The following PLXNA2 variants were observed in gnomAD, a reference collection of about 807,000 sequenced individuals.
PLXNA2 encodes plexin-A2.
In PLXNA2, 91 loss-of-function variants were observed where a neutral mutation model predicts 193.5. The observed-to-expected ratio is 0.47, with a 90% CI of 0.40 to 0.56. The LOEUF is 0.56. Ranked by LOEUF, PLXNA2 falls within the 20% of genes least tolerant of loss-of-function variation. The pLI, the probability that PLXNA2 is intolerant of heterozygous loss-of-function variation, is 0.00. For missense variants in PLXNA2, 1,995 were observed against 2,503.2 expected (o/e 0.80, Z 4.33); for synonymous variants, 997 against 1,027.3 (o/e 0.97, Z 0.56).
chr1:208,229,457 C>T (rs962050077), intron 1 of PLXNA2, among the ~76,000 whole-genome samples: 1 of 152,164 alleles, frequency 6.6e-6, no homozygotes, highest in Non-Finnish European at 1.5e-5. Context: ...CCCAGGTGTG[C>T]TCATTTGCTT....
chr1:208,103,371 G>A lies in PLXNA2; in HGVS notation c.1507-124C>T, dbSNP rs568471830. On this transcript the variant is annotated intron_variant, in intron 4 of 31. Transcript: ENST00000367033. ...CTCCCCTAAAGAGGTGATACTGGGC[G>A]GCAAGTCATGGCCTCAATGTCCCCA... 2.1e-3 allele frequency: 1,381 copies of A among 673,106 alleles called. 36 individuals are homozygous for A. The South Asian group carries it at 0.026, about 13-fold the overall frequency. The allele number at this position is 673,106 out of a possible 1,614,324, so 41.7% of individuals were successfully genotyped here.
chr1:208,094,615 A>AGAT (rs1310896092), intron 8 of PLXNA2, among the ~76,000 whole-genome samples: 4 of 152,202 alleles, frequency 2.6e-5, no homozygotes, highest in Non-Finnish European at 5.9e-5. Context: ...TCTGTTGCCC[A>AGAT]GATGCTTGCC....
intron 4 of PLXNA2, among the ~76,000 whole-genome samples, chr1:208,128,185 T>A (rs1294306428): frequency 6.6e-6 from 1 of 152,224 alleles, no homozygotes; most frequent in Non-Finnish European, 1.5e-5. Flanking sequence ...CGGCAGGAGC[T>A]GACAACTGGC....
intron 3 of PLXNA2, among the ~76,000 whole-genome samples, chr1:208,184,422 T>TA (rs112546582): frequency 0.021 from 2,972 of 140,102 alleles, 79 homozygotes; most frequent in African/African-American, 0.063. Flanking sequence ...ACCCCCTGCT[T>TA]AAAAAAAAAA....
chr1:208,054,006 G>A (rs909368007), intron 14 of PLXNA2, among the ~76,000 whole-genome samples: 3 of 152,168 alleles, frequency 2.0e-5, no homozygotes, highest in Admixed American at 6.5e-5. Flanking sequence ...AGAAAACAAA[G>A]CATGCGGATA....
rs949481713 is a variant in PLXNA2 at position 208,027,184 on chromosome 1, G to A, written c.*59C>T. 1.4e-6 allele frequency: 2 copies of A among 1,414,106 alleles called. No individual in the cohort carries two copies. Among genetic ancestry groups the A allele is most frequent in the African/African-American group, 2.8e-5 (2 of 71,178 alleles). The allele number at this position is 1,414,106 out of a possible 1,614,324, so 87.6% of individuals were successfully genotyped here. A position where few individuals can be genotyped will look rare whatever the true frequency, so the allele number is the denominator to read the frequency against. ...CCCCATCACTTGTCCTTCCATCTGA[G>A]ACTCCCAGTGTGACAGCTTGGACAG... On this transcript the variant is annotated 3_prime_UTR_variant, in exon 32 of 32. Coordinates refer to ENST00000367033, the MANE Select transcript of PLXNA2 (RefSeq NM_025179.4).
At position 208,079,374 on chromosome 1, in the gene PLXNA2, G is replaced by C; in HGVS notation, c.2472C>G (p.Gly824=). Residue 824 remains glycine (G), a synonymous_variant, in exon 12 of 32, where the codon GGC becomes GGG. Coordinates refer to ENST00000367033, the MANE Select transcript of PLXNA2 (RefSeq NM_025179.4). ...CLKADRKFEC[G]WCSGERRCTL... The stretch of plus-strand genomic sequence containing the variant: ...TGCACCTGCGCTCGCCGCTGCACCA[G>C]CCACACTCAAACTTCCGGTCGGCCT... The C allele has an allele frequency of 6.2e-7, 1 of 1,613,854 alleles. No individual in the cohort carries two copies. Among genetic ancestry groups the C allele is most frequent in the Non-Finnish European group, 8.5e-7 (1 of 1,179,864 alleles).
At chr1:208,173,069 T>C (rs1669545305) in intron 3 of PLXNA2, among the ~76,000 whole-genome samples, 1 of 152,220 alleles carries the variant, frequency 6.6e-6, no homozygotes. Context: ...ATTGCTAGAT[T>C]GGACTCCTGG....
At chr1:208,073,266 A>T (rs1220791025) in intron 12 of PLXNA2, among the ~76,000 whole-genome samples, 1 of 152,142 alleles carries the variant, frequency 6.6e-6, no homozygotes, top group Non-Finnish European at 1.5e-5. Context: ...TTAACAGAAG[A>T]CCTGTATCCC....
At chr1:208,232,898 C>A (rs1213818170) in intron 1 of PLXNA2, among the ~76,000 whole-genome samples, 1 of 152,196 alleles carries the variant, frequency 6.6e-6, no homozygotes, top group African/African-American at 2.4e-5. Context: ...TTTTCCTCCA[C>A]TGAATTTGGA....
Position 208,210,304 on chromosome 1 carries a change from C to T in PLXNA2, c.1347G>A (p.Gly449=), listed in dbSNP as rs1220903403. The part of the protein sequence containing the change: ...VYNGYSVVFV[G]TKSGKLKKIR... ...CCTTTTTCAGCTTGCCACTCTTAGT[C>T]CCCACAAAAACCACGCTGTAGCCGT... The change falls in exon 3 of 32, where the codon GGG becomes GGA. Residue 449 remains glycine (G), a synonymous_variant. Coordinates refer to ENST00000367033, the MANE Select transcript of PLXNA2 (RefSeq NM_025179.4). The T allele has an allele frequency of 1.9e-6, 3 of 1,613,854 alleles. No homozygotes were observed. The highest frequency in any genetic ancestry group is 1.3e-5 in the African/African-American group (1 of 74,932).
At chr1:208,103,966 G>C (rs1266344371) in intron 4 of PLXNA2, among the ~76,000 whole-genome samples, 1 of 152,152 alleles carries the variant, frequency 6.6e-6, no homozygotes, top group African/African-American at 2.4e-5. Flanking sequence ...AGGGGCTTGA[G>C]CTGGGCCTGT....
intron 12 of PLXNA2, among the ~76,000 whole-genome samples, chr1:208,062,459 G>A (rs564069943): frequency 3.0e-4 from 45 of 152,210 alleles, no homozygotes; most frequent in African/African-American, 1.0e-3. Context: ...TCAGACTCCC[G>A]GTCTCTCGGC....
intron 26 of PLXNA2, among the ~76,000 whole-genome samples, chr1:208,035,944 T>A (rs1664658786): frequency 6.6e-6 from 1 of 152,242 alleles, no homozygotes; most frequent in African/African-American, 2.4e-5. Flanking sequence ...TTAACATCTC[T>A]TTGTTAATTA....
chr1:208,131,213 C>G (rs558019804), intron 4 of PLXNA2, among the ~76,000 whole-genome samples: 12 of 152,312 alleles, frequency 7.9e-5, no homozygotes, highest in African/African-American at 2.9e-4. Context: ...ACTGACTTCC[C>G]CTTTGCCTCT....
At chr1:208,076,554 G>T (rs1203268963) in intron 12 of PLXNA2, among the ~76,000 whole-genome samples, 1 of 152,134 alleles carries the variant, frequency 6.6e-6, no homozygotes, top group Non-Finnish European at 1.5e-5. Flanking sequence ...TACCATACAG[G>T]TATTTTTGGT....
At chr1:208,030,652 T>C (rs1391542119) in intron 29 of PLXNA2, 13 of 985,342 alleles carry the variant, frequency 1.3e-5, no homozygotes, top group Middle Eastern at 1.0e-3. Flanking sequence ...TGTTGGTTGC[T>C]AGGACTTTTG....
intron 4 of PLXNA2, among the ~76,000 whole-genome samples, chr1:208,105,026 CT>C (rs986515695): frequency 6.6e-6 from 1 of 152,170 alleles, no homozygotes; most frequent in Admixed American, 6.5e-5. Flanking sequence ...AGAAGCTAAT[CT>C]GACCATGGGC....
At chr1:208,168,730 T>TG (rs1553291366) in intron 3 of PLXNA2, among the ~76,000 whole-genome samples, 1 of 136,996 alleles carries the variant, frequency 7.3e-6, no homozygotes, top group African/African-American at 2.6e-5. Flanking sequence ...CGGGGTTTTT[T>TG]TTTTTTTTTT....
Sources: allele counts gnomAD v4.1 joint callset (sites outside exome capture counted in the v4.1 genomes callset), GRCh38; gene constraint gnomAD v4.1.1; transcripts MANE v1.5; gene names NCBI Gene and HGNC (gene_info 2026-07-23, HGNC 2026-07-21).